DEUP1: variants seen among roughly 807,000 people sequenced by gnomAD.
The protein encoded by DEUP1 is coiled-coil domain containing 67.
A neutral mutation model predicts 87.4 loss-of-function variants in DEUP1; 82 were observed. The ratio of observed to expected loss-of-function variants is 0.94; its 90% confidence interval spans 0.78 to 1.13. The LOEUF is 1.13. Among genes scored for constraint, DEUP1 ranks in the 50% most tolerant of loss-of-function variants. The pLI is 0.00. For missense variants in DEUP1, 663 were observed against 681.5 expected (o/e 0.97, Z 0.30); for synonymous variants, 214 against 222.7 (o/e 0.96, Z 0.35).
Position 93,372,466 on chromosome 11 carries a change from C to T in DEUP1, c.789+1186C>T, listed in dbSNP as rs574546267. Among the ~76,000 whole-genome samples the T allele has an allele frequency of 1.2e-3, 186 of 152,276 alleles. 1 individual carries two copies. The highest frequency in any genetic ancestry group is 3.7e-3 in the Admixed American group (57 of 15,290). ...TATACCACCCCAAGATCTTTTGCCA[C>T]TTAAACTCCCAGGGTCATTTCTTAG... On this transcript the variant is annotated intron_variant, in intron 7 of 13. Transcript: ENST00000298050.
At chr11:93,431,677 C>T (rs1033277593) in intron 13 of DEUP1, among the ~76,000 whole-genome samples, 4 of 152,122 alleles carry the variant, frequency 2.6e-5, no homozygotes, top group Non-Finnish European at 5.9e-5. Flanking sequence ...TATTGTAAGG[C>T]TATTTCAGTA....
rs116697752 is a variant in DEUP1, at chr11:93,341,075, C to G, written c.29+8787C>G. Among the ~76,000 whole-genome samples the G allele has an allele frequency of 7.9e-3, 1,203 of 152,258 alleles. 14 individuals carry two copies. The highest frequency in any genetic ancestry group is 0.028 in the African/African-American group (1,157 of 41,548). ...TTCTTATTTTGGGTTCCTAGAGAAG[C>G]CAGCTCTGAGATAAGAATTTGGATA... On this transcript the variant is annotated intron_variant, in intron 2 of 13. Coordinates refer to ENST00000298050, the MANE Select transcript of DEUP1 (RefSeq NM_181645.4).
At chr11:93,402,143 C>G (rs1156371990) in intron 11 of DEUP1, among the ~76,000 whole-genome samples, 5 of 151,354 alleles carry the variant, frequency 3.3e-5, no homozygotes, top group Admixed American at 1.3e-4. Flanking sequence ...ATATAAGGAG[C>G]TCAAAAAACT....
At chr11:93,393,521 G>A (rs1262409724) in intron 9 of DEUP1, among the ~76,000 whole-genome samples, 1 of 151,964 alleles carries the variant, frequency 6.6e-6, no homozygotes, top group Non-Finnish European at 1.5e-5. Flanking sequence ...TCATCCTTCA[G>A]TTTTGGGTCT....
chr11:93,406,048 T>C (rs574016712), intron 11 of DEUP1, among the ~76,000 whole-genome samples: 84 of 152,128 alleles, frequency 5.5e-4, no homozygotes, highest in African/African-American at 1.9e-3. Flanking sequence ...TGAGTTTTTA[T>C]TGTGAGAATA....
intron 2 of DEUP1, among the ~76,000 whole-genome samples, chr11:93,346,315 C>G (rs1249213566): frequency 6.6e-6 from 1 of 152,174 alleles, no homozygotes; most frequent in Non-Finnish European, 1.5e-5. Context: ...CCTCCGCCTT[C>G]CAGGCTCAAG....
intron 7 of DEUP1, among the ~76,000 whole-genome samples, chr11:93,381,296 T>C (rs1204095683): frequency 1.3e-5 from 2 of 152,230 alleles, no homozygotes; most frequent in Non-Finnish European, 2.9e-5. Context: ...AGGTAACTGA[T>C]ACTATAACCA....
intron 2 of DEUP1, among the ~76,000 whole-genome samples, chr11:93,341,671 A>G (rs985166977): frequency 1.3e-5 from 2 of 152,166 alleles, no homozygotes; most frequent in African/African-American, 4.8e-5. Context: ...GCAGTTGCGT[A>G]TGACTGCTCT....
At position 93,389,106 on chromosome 11, in the gene DEUP1, A is replaced by G; in HGVS notation, c.1022A>G (p.His341Arg). The change falls in exon 9 of 14, where the codon CAT becomes CGT. Residue 341 changes from histidine (H) to arginine (R), a missense_variant. Physicochemically the swap from His to Arg is conservative, Grantham distance 29. Coordinates refer to ENST00000298050, the MANE Select transcript of DEUP1 (RefSeq NM_181645.4). ...LFSVMQDQPNHEKELNKIRSQ... is the reference protein window; with the variant it reads ...LFSVMQDQPNREKELNKIRSQ... ...TCAGTGATGCAAGATCAACCAAATC[A>G]TGAAAAAGAATTGAACAAGGTATGA... 1 of 1,590,720 alleles carries G rather than the reference A, an allele frequency of 6.3e-7. No individual in the cohort carries two copies. Among genetic ancestry groups the G allele is most frequent in the Non-Finnish European group, 8.6e-7 (1 of 1,165,892 alleles).
chr11:93,429,157 G>A (rs1347376962), intron 13 of DEUP1, among the ~76,000 whole-genome samples: 2 of 152,078 alleles, frequency 1.3e-5, no homozygotes, highest in Non-Finnish European at 2.9e-5. Flanking sequence ...CCTTGTAATA[G>A]TAGAGACTAG....
intron 13 of DEUP1, among the ~76,000 whole-genome samples, chr11:93,433,786 C>A (rs1425682176): frequency 6.6e-6 from 1 of 152,110 alleles, no homozygotes; most frequent in Non-Finnish European, 1.5e-5. Flanking sequence ...GAAAATTAAG[C>A]AAAGATGTGG....
chr11:93,379,726 A>T (rs1448051782), intron 7 of DEUP1, among the ~76,000 whole-genome samples: 1 of 150,226 alleles, frequency 6.7e-6, no homozygotes, highest in African/African-American at 2.4e-5. Flanking sequence ...CTCCGCAAAG[A>T]TTTCTACAGA....
chr11:93,435,378 G>A (rs1031889610), intron 13 of DEUP1, among the ~76,000 whole-genome samples: 22 of 152,178 alleles, frequency 1.4e-4, no homozygotes, highest in African/African-American at 4.3e-4. Flanking sequence ...TCCCACTGAG[G>A]TAGCCAAAGA....
chr11:93,377,617 C>T (rs919116271), intron 7 of DEUP1, among the ~76,000 whole-genome samples: 14 of 152,136 alleles, frequency 9.2e-5, no homozygotes, highest in South Asian at 2.1e-4. Flanking sequence ...TTACATTCAA[C>T]GTTAGTATTT....
At chr11:93,370,984 TA>T in intron 6 of DEUP1, 53 bp from the exon 7 acceptor site, 1 of 1,486,860 alleles carries the variant, frequency 6.7e-7, no homozygotes, top group Non-Finnish European at 9.2e-7. Context: ...GAACTTCATG[TA>T]AGCTTAAATA....
intron 2 of DEUP1, among the ~76,000 whole-genome samples, chr11:93,352,757 C>T (rs931299939): frequency 1.3e-5 from 2 of 152,092 alleles, no homozygotes; most frequent in African/African-American, 4.8e-5. Flanking sequence ...AAGTGGAAAC[C>T]CCTGATAAAC....
intron 13 of DEUP1, among the ~76,000 whole-genome samples, chr11:93,428,045 C>T (rs1947983687): frequency 6.6e-6 from 1 of 151,902 alleles, no homozygotes. Context: ...ACTAGTTCAA[C>T]CATTGTGGAA....
intron 5 of DEUP1, among the ~76,000 whole-genome samples, chr11:93,368,850 C>A (rs957630353): frequency 6.6e-6 from 1 of 152,022 alleles, no homozygotes; most frequent in Admixed American, 6.5e-5. Flanking sequence ...ACAGGAGGAT[C>A]ACTTGAACCT....
At chr11:93,387,662 G>A (rs1323284192) in intron 8 of DEUP1, among the ~76,000 whole-genome samples, 8 of 151,916 alleles carry the variant, frequency 5.3e-5, no homozygotes, top group African/African-American at 1.9e-4. Flanking sequence ...ACCACCATGA[G>A]GATTTTAGCA....
Sources: gnomAD v4.1 joint callset for allele counts (sites outside exome capture counted in the v4.1 genomes callset) on GRCh38, gnomAD v4.1.1 for gene constraint, MANE v1.5 for transcripts, NCBI Gene and HGNC (gene_info 2026-07-23, HGNC 2026-07-21) for gene names.